LPGAT1: variants seen among roughly 807,000 people sequenced by gnomAD.
LPGAT1 encodes acyl-CoA:lysophosphatidylglycerol acyltransferase 1.
A neutral mutation model predicts 47.5 loss-of-function variants in LPGAT1; 11 were observed. The observed-to-expected ratio is 0.23, with a 90% CI of 0.15 to 0.38. The LOEUF (loss-of-function observed/expected upper bound fraction) is 0.38, where lower values mean the gene tolerates loss of function less well. LPGAT1 is among the 10% of genes least tolerant of loss of function. The pLI, the probability that LPGAT1 is intolerant of heterozygous loss-of-function variation, is 1.00. For synonymous variants in LPGAT1, 138 were observed against 144.2 expected, an observed-to-expected ratio of 0.96 and a Z score of 0.31; for missense variants, 293 against 439.0, an observed-to-expected ratio of 0.67 and a Z score of 2.97.
chr1:211,777,883 T>C (rs1658470075), intron 6 of LPGAT1, among the ~76,000 whole-genome samples: 2 of 152,148 alleles, frequency 1.3e-5, no homozygotes, highest in Non-Finnish European at 2.9e-5. Context: ...CATAAAGACC[T>C]TGCTAATAAA....
chr1:211,778,813 G>T (rs957735883), intron 6 of LPGAT1, 105 bp downstream of exon 6: 3 of 911,008 alleles, frequency 3.3e-6, no homozygotes, highest in Non-Finnish European at 4.6e-6. Flanking sequence ...ATGAACTTGA[G>T]CCAACTATTT....
chr1:211,755,106 G>C (rs564937657), intron 6 of LPGAT1, among the ~76,000 whole-genome samples: 1 of 149,394 alleles, frequency 6.7e-6, no homozygotes, highest in South Asian at 2.1e-4. Context: ...GGGAGGCAGA[G>C]GTGGGTGGAT....
At position 211,830,164 on chromosome 1, in the gene LPGAT1, G is replaced by A. The variant is rs1660681929; in HGVS notation, c.-28+409C>T. On this transcript the variant is annotated intron_variant, in intron 1 of 7. Coordinates refer to ENST00000366997, the MANE Select transcript of LPGAT1 (RefSeq NM_014873.3). This position sits in a 1 kb window ranked among gnomAD's most constrained non-coding sequence, Gnocchi z 5.9. ...TGGAAGGGTCGTGGCGGCGGGCGCG[G>A]CCCGCGCGCCGGGCTCACCTCGGCG... 2 of 983,062 alleles carry A rather than the reference G, an allele frequency of 2.0e-6. No homozygotes were observed. Among genetic ancestry groups the A allele is most frequent in the Non-Finnish European group, 2.4e-6 (2 of 829,158 alleles). The allele number at this position is 983,062 out of a possible 1,614,324, so 60.9% of individuals were successfully genotyped here.
chr1:211,783,959 G>A (rs886195359), intron 4 of LPGAT1, among the ~76,000 whole-genome samples: 9 of 152,338 alleles, frequency 5.9e-5, no homozygotes, highest in African/African-American at 1.9e-4. Flanking sequence ...GAGGGTCAGA[G>A]AAAGCTGCTA....
chr1:211,797,251 G>A (rs1659387682), intron 2 of LPGAT1, among the ~76,000 whole-genome samples: 2 of 150,720 alleles, frequency 1.3e-5, no homozygotes, highest in Admixed American at 1.3e-4. Flanking sequence ...GCGAGACTCT[G>A]TCTCAAAAAA....
intron 2 of LPGAT1, among the ~76,000 whole-genome samples, chr1:211,803,573 A>G (rs934407732): frequency 2.0e-5 from 3 of 152,176 alleles, no homozygotes; most frequent in Admixed American, 1.3e-4. Context: ...AAGCAAAAGA[A>G]GAAACAAAAA....
chr1:211,800,651 T>G (rs765790173), intron 2 of LPGAT1, among the ~76,000 whole-genome samples: 1 of 152,208 alleles, frequency 6.6e-6, no homozygotes, highest in Non-Finnish European at 1.5e-5. Context: ...ACTGCAAAAC[T>G]TTTAGCTTGC....
chr1:211,793,105 G>A lies in LPGAT1; in HGVS notation c.324C>T (p.Cys108=). 1 of 1,606,260 alleles carries A rather than the reference G, an allele frequency of 6.2e-7. No homozygotes were observed. Among genetic ancestry groups the A allele is most frequent in the Non-Finnish European group, 8.5e-7 (1 of 1,176,286 alleles). Residue 108 remains cysteine, a synonymous_variant, in exon 3 of 8, where the codon TGC becomes TGT. Transcript: ENST00000366997. ...TGTCCTGGAGGCACATCATCAGTGT[G>A]CACACATCTCCTGTTGCCTGATGAT... ...LVNHQATGDV[C]TLMMCLQDKG...
intron 2 of LPGAT1, among the ~76,000 whole-genome samples, chr1:211,817,434 T>C (rs1166329846): frequency 2.0e-5 from 3 of 151,880 alleles, no homozygotes; most frequent in African/African-American, 4.8e-5. Flanking sequence ...TAGCCGGGCA[T>C]GTGGCCGGCG....
At chr1:211,787,543 A>G (rs896371251) in intron 4 of LPGAT1, 89 bp downstream of exon 4, 21 of 654,400 alleles carry the variant, frequency 3.2e-5, no homozygotes, top group African/African-American at 3.0e-4. Flanking sequence ...AGCCCTACCT[A>G]TTATAATTGG....
chr1:211,778,733 T>C (rs1323307648), intron 6 of LPGAT1, among the ~76,000 whole-genome samples, 185 bp downstream of exon 6: 1 of 152,238 alleles, frequency 6.6e-6, no homozygotes, highest in Admixed American at 6.5e-5. Context: ...ATATCACTTT[T>C]AGAGATCTTT....
intron 6 of LPGAT1, among the ~76,000 whole-genome samples, chr1:211,758,333 C>T (rs562171405): frequency 1.6e-4 from 24 of 152,298 alleles, no homozygotes; most frequent in African/African-American, 5.1e-4. Context: ...CAAATTAATG[C>T]AAATAGTGAC....
intron 4 of LPGAT1, 152 bp from the exon 5 acceptor site, chr1:211,783,654 C>A (rs1658730716): frequency 1.8e-6 from 1 of 569,818 alleles, no homozygotes; most frequent in Non-Finnish European, 2.9e-6. Context: ...CCCTTTTTGA[C>A]CACAGGGGTA....
At chr1:211,829,903 A>G (rs1660668400) in intron 1 of LPGAT1, 5 of 984,388 alleles carry the variant, frequency 5.1e-6, no homozygotes, top group Non-Finnish European at 6.0e-6. Context: ...GGGGGCCTAG[A>G]AAAAAAGCTT....
At position 211,830,704 on chromosome 1, in the gene LPGAT1, C is replaced by G; in HGVS notation, c.-159G>C. 1 of 1,187,876 alleles carries G rather than the reference C, an allele frequency of 8.4e-7. No individual in the cohort carries two copies. Among genetic ancestry groups the G allele is most frequent in the Non-Finnish European group, 1.0e-6 (1 of 959,724 alleles). The allele number at this position is 1,187,876 out of a possible 1,614,324, so 73.6% of individuals were successfully genotyped here. ...CGCTCCGGCTGTGGCGCGGCCCGCG[C>G]CCGTTCCCCGGCGGCGCCGAGACTC... On this transcript the variant is annotated 5_prime_UTR_variant, in exon 1 of 8. Transcript: ENST00000366997. This position sits in a 1 kb window ranked among gnomAD's most constrained non-coding sequence, Gnocchi z 5.9.
chr1:211,830,716 C>G lies in LPGAT1; in HGVS notation c.-171G>C. ...GGCGCGGCCCGCGCCCGTTCCCCGGCGGCGCCGAGACTCGGTCCCCAAGGG... is the reference window on the plus strand; with the variant it reads ...GGCGCGGCCCGCGCCCGTTCCCCGGGGGCGCCGAGACTCGGTCCCCAAGGG... On this transcript the variant is annotated 5_prime_UTR_variant, in exon 1 of 8. Coordinates refer to ENST00000366997, the MANE Select transcript of LPGAT1 (RefSeq NM_014873.3). This position sits in a 1 kb window ranked among gnomAD's most constrained non-coding sequence, Gnocchi z 5.9. 1 of 1,180,964 alleles carries G rather than the reference C, an allele frequency of 8.5e-7. No individual in the cohort carries two copies. Among genetic ancestry groups the G allele is most frequent in the Non-Finnish European group, 1.0e-6 (1 of 955,254 alleles). 73.2% of individuals were successfully genotyped at this position (1,180,964 alleles called of 1,614,324 possible). A position where few individuals can be genotyped will look rare whatever the true frequency, so the allele number is the denominator to read the frequency against.
chr1:211,803,153 T>C (rs1659635199), intron 2 of LPGAT1: 1 of 152,148 alleles, frequency 6.6e-6, no homozygotes, highest in South Asian at 2.1e-4. Flanking sequence ...CAACCCAGAA[T>C]TCTCCACCCA....
At chr1:211,798,995 TAACA>T (rs1445244645) in intron 2 of LPGAT1, among the ~76,000 whole-genome samples, 1 of 152,188 alleles carries the variant, frequency 6.6e-6, no homozygotes, top group Non-Finnish European at 1.5e-5. Context: ...CCCATCTCCA[TAACA>T]TTCTAGTCAA....
chr1:211,806,400 C>T (rs1404310361), intron 2 of LPGAT1, among the ~76,000 whole-genome samples: 2 of 151,528 alleles, frequency 1.3e-5, no homozygotes, highest in Non-Finnish European at 2.9e-5. Flanking sequence ...AGCCATTACG[C>T]TAAGCAAATT....
Sources: gnomAD v4.1 joint callset for allele counts (sites outside exome capture counted in the v4.1 genomes callset) on GRCh38, gnomAD v4.1.1 for gene constraint, Gnocchi (gnomAD v3.1) non-coding constraint, MANE v1.5 for transcripts, NCBI Gene and HGNC (gene_info 2026-07-23, HGNC 2026-07-21) for gene names.